The following KANK1 variants were observed in gnomAD, a reference collection of about 807,000 sequenced individuals.
The protein encoded by KANK1 is KN motif and ankyrin repeat domains 1, also known as KN motif and ankyrin repeat domain-containing protein 1.
Under a neutral mutation model 106.2 loss-of-function variants are expected in KANK1, and 109 were observed. The observed-to-expected ratio is 1.03, with a 90% CI of 0.88 to 1.20. KANK1 has a LOEUF of 1.20. Among genes scored for constraint, KANK1 ranks in the 50% most tolerant of loss-of-function variants. The probability of loss-of-function intolerance (pLI) is 0.00; values close to 1 mark genes in which losing one functional copy is unlikely to be tolerated. For synonymous variants in KANK1, 873 were observed against 652.2 expected (o/e 1.34, Z -5.16); for missense variants, 2,399 against 1,710.7 (o/e 1.40, Z -7.10).
intron 1 of KANK1, among the ~76,000 whole-genome samples, chr9:518,039 A>C (rs998127868): frequency 5.3e-5 from 8 of 151,484 alleles, no homozygotes; most frequent in African/African-American, 2.0e-4. Context: ...TGCCCGGCCA[A>C]CCTTGAGGGT....
At chr9:718,223 T>C (rs571623655) in intron 3 of KANK1, among the ~76,000 whole-genome samples, 69 of 151,656 alleles carry the variant, frequency 4.5e-4, no homozygotes, top group Non-Finnish European at 9.6e-4. Flanking sequence ...TATAAAAATA[T>C]GATGTAGGTA....
In KANK1 at chr9:512,428, T is replaced by C. The variant is rs576665341; in HGVS notation, c.-84+7674T>C. ...CAGCTCAGGGAGGCCGGTCTTTTTG[T>C]TTAGTTCATACCTTTAGTTGTTTGC... On this transcript the variant is annotated intron_variant, in intron 1 of 11. Transcript: ENST00000382297. 2.6e-5 allele frequency among the ~76,000 whole-genome samples: 4 copies of C among 152,144 alleles called. No homozygotes were observed. In the South Asian group the frequency reaches 8.3e-4, roughly 32 times the overall value.
upstream of KANK1, among the ~76,000 whole-genome samples, chr9:500,029 TAGAGAGAG>T (rs1195373545): frequency 2.6e-5 from 4 of 152,212 alleles, no homozygotes; most frequent in Admixed American, 2.6e-4. Context: ...TTCCTTCTGG[TAGAGAGAG>T]AACATCTTTT....
chr9:672,200 G>A (rs1477128847), intron 1 of KANK1, among the ~76,000 whole-genome samples: 2 of 152,208 alleles, frequency 1.3e-5, no homozygotes, highest in African/African-American at 4.8e-5. Context: ...GCTGTGTGAT[G>A]TGAGCAAGTT....
chr9:631,135 GC>G (rs1446819865), intron 1 of KANK1, among the ~76,000 whole-genome samples: 1 of 152,094 alleles, frequency 6.6e-6, no homozygotes, highest in Non-Finnish European at 1.5e-5. Context: ...AATACGTTTT[GC>G]ATTGTACCAC....
At chr9:657,987 G>T (rs1842513527) in intron 1 of KANK1, among the ~76,000 whole-genome samples, 1 of 151,946 alleles carries the variant, frequency 6.6e-6, no homozygotes, top group Non-Finnish European at 1.5e-5. Context: ...TCGAACTCCT[G>T]TCTCAGCCTC....
intron 2 of KANK1, among the ~76,000 whole-genome samples, chr9:687,806 A>G (rs958709555): frequency 1.8e-4 from 27 of 152,024 alleles, no homozygotes; most frequent in African/African-American, 6.3e-4. Flanking sequence ...TATTATTTCT[A>G]TTAAATAATT....
At chr9:644,263 A>G (rs1470213764) in intron 1 of KANK1, among the ~76,000 whole-genome samples, 3 of 151,084 alleles carry the variant, frequency 2.0e-5, no homozygotes, top group East Asian at 3.9e-4. Flanking sequence ...AACAAAACAC[A>G]GGTTTATAAA....
chr9:743,174 CTG>C (rs1383383932), intron 10 of KANK1, among the ~76,000 whole-genome samples: 1 of 152,342 alleles, frequency 6.6e-6, no homozygotes, highest in East Asian at 1.9e-4. Flanking sequence ...AAGTTTATCT[CTG>C]TGGATCACAG....
intron 1 of KANK1, chr9:549,745 A>G (rs1227064606): frequency 6.6e-6 from 1 of 152,210 alleles, no homozygotes; most frequent in East Asian, 1.9e-4. Flanking sequence ...TGACTGTATG[A>G]CATAGGAACT....
At chr9:614,157 G>A (rs1253258258) in intron 1 of KANK1, among the ~76,000 whole-genome samples, 1 of 152,120 alleles carries the variant, frequency 6.6e-6, no homozygotes, top group Non-Finnish European at 1.5e-5. Flanking sequence ...TTCAGTCCGG[G>A]GCAGGAGTTA....
chr9:511,257 A>G (rs1303529561), intron 1 of KANK1, among the ~76,000 whole-genome samples: 1 of 152,214 alleles, frequency 6.6e-6, no homozygotes, highest in Non-Finnish European at 1.5e-5. Context: ...AAAAGGTGGC[A>G]GTGCTTGACA....
chr9:731,067 A>T, intron 4 of KANK1, 91 bp from the exon 5 acceptor site: 1 of 608,060 alleles, frequency 1.6e-6, no homozygotes. Context: ...ATCTACATTT[A>T]CATGCATGAG....
At chr9:490,939 A>G (rs1020694476) in intron 3 of KANK1, among the ~76,000 whole-genome samples, 49 of 149,016 alleles carry the variant, frequency 3.3e-4, no homozygotes, top group Non-Finnish European at 6.7e-4. Context: ...AGATGAGACT[A>G]TGTGAAGGGC....
At chr9:642,984 A>G (rs1838817388) in intron 1 of KANK1, among the ~76,000 whole-genome samples, 3 of 150,710 alleles carry the variant, frequency 2.0e-5, no homozygotes, top group South Asian at 2.1e-4. Context: ...CTTCTACTTT[A>G]TAGCTCCATA....
chr9:742,123 C>G (rs1835751408), intron 9 of KANK1, 82 bp from the exon 10 acceptor site: 2 of 1,195,960 alleles, frequency 1.7e-6, no homozygotes, highest in Non-Finnish European at 2.4e-6. Context: ...ACTCTTCCCC[C>G]TTTCCCTAGC....
chr9:604,892 A>G (rs1828699403), intron 1 of KANK1, among the ~76,000 whole-genome samples: 1 of 151,922 alleles, frequency 6.6e-6, no homozygotes, highest in African/African-American at 2.4e-5. Flanking sequence ...TGAGTCAATT[A>G]AACCTTTTTT....
intron 2 of KANK1, among the ~76,000 whole-genome samples, chr9:705,266 A>G (rs1823771308): frequency 6.6e-6 from 1 of 151,976 alleles, no homozygotes; most frequent in Non-Finnish European, 1.5e-5. Flanking sequence ...CAGGCAGATT[A>G]CCTGAGGTCA....
At chr9:649,931 G>C (rs963211491) in intron 1 of KANK1, among the ~76,000 whole-genome samples, 3 of 152,130 alleles carry the variant, frequency 2.0e-5, no homozygotes, top group Non-Finnish European at 4.4e-5. Flanking sequence ...TGCCCTTTTA[G>C]AATGAGAAAA....
Sources: gnomAD v4.1 joint callset for allele counts (sites outside exome capture counted in the v4.1 genomes callset) on GRCh38, gnomAD v4.1.1 for gene constraint, MANE v1.5 for transcripts, NCBI Gene and HGNC (gene_info 2026-07-23, HGNC 2026-07-21) for gene names.